SLFN13: variants seen among roughly 807,000 people sequenced by gnomAD.
SLFN13 encodes schlafen-13.
A neutral mutation model predicts 50.6 loss-of-function variants in SLFN13; 43 were observed. The observed-to-expected ratio is 0.85, with a 90% confidence interval of 0.67 to 1.09. The LOEUF (loss-of-function observed/expected upper bound fraction) is 1.09, where lower values mean the gene tolerates loss of function less well. SLFN13 is among the 50% of genes least tolerant of loss of function. The pLI, the probability that SLFN13 is intolerant of heterozygous loss-of-function variation, is 0.00. For missense variants in SLFN13, 881 were observed against 1,071.1 expected, an observed-to-expected ratio of 0.82 and a Z score of 2.48; for synonymous variants, 339 against 386.5, an observed-to-expected ratio of 0.88 and a Z score of 1.44.
At position 35,443,828 on chromosome 17, in the gene SLFN13, G is replaced by A; in HGVS notation, c.1159C>T (p.Leu387=). The change falls in exon 4 of 6, where the codon CTG becomes TTG. Residue 387 remains leucine (L), a synonymous_variant. Transcript: ENST00000285013. ...LCRPVYSKKG[L]EHKADLQQHL... is the part of the protein sequence containing the mutation. ...TGTTGTAGATCAGCTTTGTGTTCCA[G>A]ACCTTTCTTAGAATACACTGGTCTG... 1 of 1,613,240 alleles carries A rather than the reference G, an allele frequency of 6.2e-7. No homozygotes were observed. The highest frequency in any genetic ancestry group is 1.3e-5 in the African/African-American group (1 of 75,018).
chr17:35,446,781 G>A (rs1597810646), intron 2 of SLFN13: 5 of 152,160 alleles, frequency 3.3e-5, no homozygotes, highest in East Asian at 3.9e-4. Context: ...TTTAGAGAGA[G>A]GCAGCAGAGT....
Position 35,438,304 on chromosome 17 carries a change from T to C in SLFN13, c.*2291A>G, listed in dbSNP as rs979209858. On this transcript the variant is annotated 3_prime_UTR_variant, in exon 6 of 6. Coordinates refer to ENST00000285013, the MANE Select transcript of SLFN13 (RefSeq NM_144682.6). ...ATTTAAAACAGAAATGCAATAAATA[T>C]ATAAGCTAAACATTTCCTCATCATA... is the stretch of plus-strand genomic sequence containing the variant. 1 of 151,900 alleles carries C rather than the reference T, an allele frequency of 6.6e-6. No homozygotes were observed. The highest frequency in any genetic ancestry group is 2.4e-5 in the African/African-American group (1 of 41,408). The allele number at this position is 151,900 out of a possible 1,614,324, so 9.4% of individuals were successfully genotyped here.
rs764205845 is a variant in SLFN13 at position 35,445,256 on chromosome 17, A to G, written c.425T>C (p.Val142Ala). 6.2e-7 allele frequency: 1 copy of G among 1,614,070 alleles called. No homozygotes were observed. Among genetic ancestry groups the G allele is most frequent in the South Asian group, 1.1e-5 (1 of 91,088 alleles). Reference sequence around the variant, plus strand: ...TGCCTGTCTTGAATTCATGTGAAGCACAGAGGTGCCAGATCTACAGTATAA... The same window carrying G: ...TGCCTGTCTTGAATTCATGTGAAGCGCAGAGGTGCCAGATCTACAGTATAA... ...SSLYCRSGTS[V>A]LHMNSRQAFD... Residue 142 changes from valine to alanine, a missense_variant, in exon 3 of 6, where the codon GTG becomes GCG. Transcript: ENST00000285013.
chr17:35,449,567 C>A (rs1913397892), upstream of SLFN13, among the ~76,000 whole-genome samples: 1 of 152,218 alleles, frequency 6.6e-6, no homozygotes, highest in Non-Finnish European at 1.5e-5. Flanking sequence ...GCACTCGGTT[C>A]CTGGCTGGAT....
In SLFN13 at chr17:35,444,845, T is replaced by G; in HGVS notation, c.836A>C (p.Lys279Thr). The G allele has an allele frequency of 6.2e-7, 1 of 1,614,236 alleles. No individual in the cohort carries two copies. Among genetic ancestry groups the G allele is most frequent in the Non-Finnish European group, 8.5e-7 (1 of 1,180,030 alleles). The change falls in exon 3 of 6, where the codon AAG becomes ACG. Residue 279 changes from lysine (K) to threonine (T), a missense_variant. Transcript: ENST00000285013. ...LKNVIARAIS[K>T]LPIVHFCSSK... is the part of the protein sequence containing the mutation. ...AGAGCAAAAATGAACAATGGGCAAC[T>G]TAGAAATTGCTCTTGCAATTACATT...
Position 35,440,576 on chromosome 17 carries a change from G to C in SLFN13, c.*19C>G. Reference sequence around the variant, plus strand: ...CATTTACACAGTATTTTGGTTTGGAGTTCTTCCTAATAGTCACTTCACAGA... The same window carrying C: ...CATTTACACAGTATTTTGGTTTGGACTTCTTCCTAATAGTCACTTCACAGA... On this transcript the variant is annotated 3_prime_UTR_variant, in exon 6 of 6. Transcript: ENST00000285013. The C allele has an allele frequency of 6.2e-7, 1 of 1,612,376 alleles. No individual in the cohort carries two copies. The highest frequency in any genetic ancestry group is 8.5e-7 in the Non-Finnish European group (1 of 1,178,766).
Position 35,440,544 on chromosome 17 carries a change from C to G in SLFN13, c.*51G>C. The G allele has an allele frequency of 1.3e-6, 2 of 1,586,450 alleles. No homozygotes were observed. The highest frequency in any genetic ancestry group is 1.7e-6 in the Non-Finnish European group (2 of 1,160,030). ...GTTTCTACCATCAGCAGACTGTCAC[C>G]CATAGACATTTACACAGTATTTTGG... On this transcript the variant is annotated 3_prime_UTR_variant, in exon 6 of 6. Coordinates refer to ENST00000285013, the MANE Select transcript of SLFN13 (RefSeq NM_144682.6).
rs115704442 is a variant in SLFN13 at position 35,441,350 on chromosome 17, G to C, written c.1939C>G (p.Arg647Gly). The C allele has an allele frequency of 8.1e-6, 13 of 1,604,454 alleles. No individual in the cohort carries two copies. Among genetic ancestry groups the C allele is most frequent in the Admixed American group, 3.5e-5 (2 of 57,706 alleles). ...AGGAAAGTTTCCCGGGTCTCTGCTC[G>C]GCAGATATTTCTATCACTGTAAAAA... Reference protein sequence around the residue: ...RNFISDRNICRAETRETFLRE... With the variant: ...RNFISDRNICGAETRETFLRE... The change falls in exon 6 of 6, where the codon CGA becomes GGA. Residue 647 changes from arginine to glycine, a missense_variant. Physicochemically the swap from Arg to Gly is moderately radical, Grantham distance 125. Coordinates refer to ENST00000285013, the MANE Select transcript of SLFN13 (RefSeq NM_144682.6).
In SLFN13 at chr17:35,445,623, C is replaced by T. The variant is rs1269528604; in HGVS notation, c.58G>A (p.Asp20Asn). The T allele has an allele frequency of 1.2e-6, 2 of 1,613,936 alleles. No homozygotes were observed. Among genetic ancestry groups the T allele is most frequent in the African/African-American group, 1.3e-5 (1 of 74,892 alleles). ...TCTCCCAGAGTCACTTCTCCGACAT[C>T]GATGACCAGGTCTGGGTAAGATGGA... ...VYPSYPDLVI[D>N]VGEVTLGEEN... Residue 20 changes from aspartate (D) to asparagine (N), a missense_variant, in exon 3 of 6, where the codon GAT (aspartate) becomes AAT (asparagine). By Grantham distance (23) the Asp-to-Asn change is conservative. Coordinates refer to ENST00000285013, the MANE Select transcript of SLFN13 (RefSeq NM_144682.6).
At chr17:35,446,966 C>G (rs1372478477) in intron 2 of SLFN13, 1 of 152,142 alleles carries the variant, frequency 6.6e-6, no homozygotes, top group African/African-American at 2.4e-5. Flanking sequence ...ATGGGGACTT[C>G]AAAGTTAAAT....
chr17:35,439,687 G>A lies in SLFN13; in HGVS notation c.*908C>T, dbSNP rs1912757369. 6.6e-6 allele frequency: 1 copy of A among 152,110 alleles called. No individual in the cohort carries two copies. Among genetic ancestry groups the A allele is most frequent in the Non-Finnish European group, 1.5e-5 (1 of 68,100 alleles). The allele number at this position is 152,110 out of a possible 1,614,324, so 9.4% of individuals were successfully genotyped here. ...AGATGGGGTTTCTCCATGTTGGCCA[G>A]GCTGGTCTTGAACTCCTGACCTCAG... On this transcript the variant is annotated 3_prime_UTR_variant, in exon 6 of 6. Transcript: ENST00000285013.
At position 35,435,781 on chromosome 17, in the gene SLFN13, A is replaced by T. The variant is rs1214287890; in HGVS notation, c.*4814T>A. ...ACACTGATTAATTTTTTTTTCTTGG[A>T]GACAGGGTCTCAAACTGGCACCCAG... On this transcript the variant is annotated 3_prime_UTR_variant, in exon 6 of 6. Coordinates refer to ENST00000285013, the MANE Select transcript of SLFN13 (RefSeq NM_144682.6). The T allele has an allele frequency of 2.6e-5, 4 of 151,640 alleles. No homozygotes were observed. Among genetic ancestry groups the T allele is most frequent in the Admixed American group, 2.0e-4 (3 of 15,242 alleles). 9.4% of individuals were successfully genotyped at this position (151,640 alleles called of 1,614,324 possible).
chr17:35,448,192 C>T (rs1435530489), intron 1 of SLFN13: 1 of 152,040 alleles, frequency 6.6e-6, no homozygotes, highest in Non-Finnish European at 1.5e-5. Flanking sequence ...CCTAATTCTG[C>T]TTTTTAACTC....
In SLFN13 at chr17:35,445,236, G is replaced by A. The variant is rs1286952606; in HGVS notation, c.445C>T (p.Gln149Ter). The A allele has an allele frequency of 3.3e-5, 54 of 1,613,978 alleles. No individual in the cohort carries two copies. The highest frequency in any genetic ancestry group is 4.4e-5 in the Non-Finnish European group (52 of 1,180,014). Reference sequence around the variant, plus strand: ...TTGGTCTTCAGGAAATCGAATGCCTGTCTTGAATTCATGTGAAGCACAGAG... The same window carrying A: ...TTGGTCTTCAGGAAATCGAATGCCTATCTTGAATTCATGTGAAGCACAGAG... The part of the protein sequence containing the change: ...GTSVLHMNSR[Q>*]AFDFLKTKER... Residue 149 changes from glutamine to a stop codon, truncating the protein, a stop_gained, in exon 3 of 6, where the codon CAG becomes TAG. Coordinates refer to ENST00000285013, the MANE Select transcript of SLFN13 (RefSeq NM_144682.6). LOFTEE classifies it high-confidence loss of function.
At chr17:35,442,794 G>A (rs1912993408) in intron 4 of SLFN13, among the ~76,000 whole-genome samples, 1 of 152,136 alleles carries the variant, frequency 6.6e-6, no homozygotes, top group Non-Finnish European at 1.5e-5. Flanking sequence ...AATGAATGAT[G>A]TCACCCTTCT....
In SLFN13 at chr17:35,440,587, T is replaced by C. The variant is rs971987994; in HGVS notation, c.*8A>G. 10 of 1,613,600 alleles carry C rather than the reference T, an allele frequency of 6.2e-6. No individual in the cohort carries two copies. The highest frequency in any genetic ancestry group is 8.5e-6 in the Non-Finnish European group (10 of 1,179,642). Reference sequence around the variant, plus strand: ...TATTTTGGTTTGGAGTTCTTCCTAATAGTCACTTCACAGAAAAATATATAG... The same window carrying C: ...TATTTTGGTTTGGAGTTCTTCCTAACAGTCACTTCACAGAAAAATATATAG... On this transcript the variant is annotated 3_prime_UTR_variant, in exon 6 of 6. Transcript: ENST00000285013.
rs1190873352 is a variant in SLFN13 at position 35,445,129 on chromosome 17, A to T, written c.552T>A (p.Ser184=). Reference sequence around the variant, plus strand: ...AAACTTCATATGCAGGATTTGACTCAGATATGTTCTGGTATACAGCTTTCA... The same window carrying T: ...AAACTTCATATGCAGGATTTGACTCTGATATGTTCTGGTATACAGCTTTCA... ...KIMKAVYQNI[S]ESNPAYEVFQ... is the part of the protein sequence containing the mutation. The change falls in exon 3 of 6, where the codon TCT becomes TCA. Residue 184 remains serine, a synonymous_variant. Transcript: ENST00000285013. 2.5e-6 allele frequency: 4 copies of T among 1,613,300 alleles called. No homozygotes were observed. The highest frequency in any genetic ancestry group is 1.7e-5 in the Admixed American group (1 of 60,010).
At position 35,438,494 on chromosome 17, in the gene SLFN13, G is replaced by C. The variant is rs1912701702; in HGVS notation, c.*2101C>G. The C allele has an allele frequency of 6.6e-6, 1 of 152,076 alleles. No homozygotes were observed. The highest frequency in any genetic ancestry group is 1.5e-5 in the Non-Finnish European group (1 of 68,026). 9.4% of individuals were successfully genotyped at this position (152,076 alleles called of 1,614,324 possible). A position where few individuals can be genotyped will look rare whatever the true frequency, so the allele number is the denominator to read the frequency against. On this transcript the variant is annotated 3_prime_UTR_variant, in exon 6 of 6. Coordinates refer to ENST00000285013, the MANE Select transcript of SLFN13 (RefSeq NM_144682.6). ...GACTTTTAAAGAATTACTCTCAAAG[G>C]CTGAAATAACTCCAAAGACCAGGGA...
chr17:35,445,104 A>T lies in SLFN13; in HGVS notation c.577T>A (p.Phe193Ile), dbSNP rs767022921. 2 of 1,613,732 alleles carry T rather than the reference A, an allele frequency of 1.2e-6. No homozygotes were observed. The highest frequency in any genetic ancestry group is 3.3e-5 in the Admixed American group (2 of 60,016). ...ISESNPAYEVFQTDTIEYGEI... is the reference protein window; with the variant it reads ...ISESNPAYEVIQTDTIEYGEI... ...CCATATTCAATAGTGTCAGTTTGGAAAACTTCATATGCAGGATTTGACTCA... is the reference window on the plus strand; with the variant it reads ...CCATATTCAATAGTGTCAGTTTGGATAACTTCATATGCAGGATTTGACTCA... The change falls in exon 3 of 6, where the codon TTC (phenylalanine) becomes ATC (isoleucine). Residue 193 changes from phenylalanine (F) to isoleucine (I), a missense_variant. By Grantham distance (21) the Phe-to-Ile change is conservative. This residue lies in a region of SLFN13 where 497 missense variants were observed against 518.3 expected (regional missense o/e 0.96). Coordinates refer to ENST00000285013, the MANE Select transcript of SLFN13 (RefSeq NM_144682.6).
Sources: allele counts gnomAD v4.1 joint callset (sites outside exome capture counted in the v4.1 genomes callset), GRCh38; gene constraint gnomAD v4.1.1; regional missense constraint gnomAD v4.1.1; transcripts MANE v1.5; gene names NCBI Gene and HGNC (gene_info 2026-07-23, HGNC 2026-07-21).